PIK3C2B: variants seen among roughly 807,000 people sequenced by gnomAD.
PIK3C2B encodes phosphatidylinositol-4-phosphate 3-kinase catalytic subunit type 2 beta.
PIK3C2B carries 83 observed loss-of-function variants against 184.3 expected under a neutral mutation model. The ratio of observed to expected loss-of-function variants is 0.45; its 90% CI spans 0.38 to 0.54. PIK3C2B has a LOEUF of 0.54. Among genes scored for constraint, PIK3C2B ranks in the 20% least tolerant of loss-of-function variants. The pLI is 0.00. For synonymous variants in PIK3C2B, 779 were observed against 837.6 expected, an observed-to-expected ratio of 0.93 and a Z score of 1.21; for missense variants, 1,736 against 2,113.5, an observed-to-expected ratio of 0.82 and a Z score of 3.50.
At position 204,459,925 on chromosome 1, in the gene PIK3C2B, G is replaced by A; in HGVS notation, c.1519C>T (p.Leu507=). 6.2e-7 allele frequency: 1 copy of A among 1,613,954 alleles called. No individual in the cohort carries two copies. The highest frequency in any genetic ancestry group is 8.5e-7 in the Non-Finnish European group (1 of 1,179,980). Residue 507 remains leucine, a synonymous_variant, in exon 8 of 33, where the codon CTG becomes TTG. Coordinates refer to ENST00000684373, the MANE Select transcript of PIK3C2B (RefSeq NM_001377334.1). ...ACCTCATTGTGGTAAGTGTCGAACA[G>A]AAGACTCAGGGCCTGCCTGGGAGTT... ...QTISRQALSL[L]FDTYHNEVDA... is the part of the protein sequence containing the mutation.
chr1:204,488,498 T>C (rs1254507198), intron 1 of PIK3C2B, among the ~76,000 whole-genome samples: 2 of 152,250 alleles, frequency 1.3e-5, no homozygotes, highest in Non-Finnish European at 2.9e-5. Flanking sequence ...GACTAAGAAC[T>C]ATGAGTGAAC....
chr1:204,431,147 ACCT>A (rs948031175), intron 28 of PIK3C2B, among the ~76,000 whole-genome samples: 4 of 151,422 alleles, frequency 2.6e-5, no homozygotes, highest in Non-Finnish European at 5.9e-5. Context: ...AACCACACCT[ACCT>A]CCCCTCAGAC....
intron 31 of PIK3C2B, 119 bp downstream of exon 31, chr1:204,427,529 T>C: frequency 1.4e-6 from 1 of 691,758 alleles, no homozygotes. Context: ...AGGTCCATGG[T>C]GGATGCTCAG....
chr1:204,465,096 G>C (rs1482380837), intron 3 of PIK3C2B, 123 bp downstream of exon 3: 2 of 695,978 alleles, frequency 2.9e-6, no homozygotes, highest in East Asian at 2.5e-5. Flanking sequence ...CATTTTCATA[G>C]CTATGAACTG....
At chr1:204,468,784 A>C (rs1656029763) in intron 2 of PIK3C2B, 86 bp downstream of exon 2, 7 of 1,212,604 alleles carry the variant, frequency 5.8e-6, no homozygotes, top group Non-Finnish European at 8.1e-6. Context: ...GACTTGGCAG[A>C]GTTGGATGTA....
chr1:204,464,081 T>A lies in PIK3C2B; in HGVS notation c.1241A>T (p.Asp414Val), dbSNP rs200358053. The A allele has an allele frequency of 6.2e-7, 1 of 1,614,104 alleles. No homozygotes were observed. Among genetic ancestry groups the A allele is most frequent in the Non-Finnish European group, 8.5e-7 (1 of 1,179,974 alleles). ...ACCCACGTCCACATTCCTCAGGTCA[T>A]CATGGGTGTAGCACAGGGTCTGGTA... ...LIYQTLCYTHDDLRNVDVGDF... is the reference protein window; with the variant it reads ...LIYQTLCYTHVDLRNVDVGDF... The change falls in exon 5 of 33, where the codon GAT becomes GTT. Residue 414 changes from aspartate (D) to valine (V), a missense_variant. Physicochemically the swap from Asp to Val is radical, Grantham distance 152. Coordinates refer to ENST00000684373, the MANE Select transcript of PIK3C2B (RefSeq NM_001377334.1).
intron 5 of PIK3C2B, among the ~76,000 whole-genome samples, chr1:204,463,253 C>G (rs979052883): frequency 6.6e-6 from 1 of 152,192 alleles, no homozygotes; most frequent in Non-Finnish European, 1.5e-5. Context: ...CGTGCTTCCT[C>G]CAAGTGGACA....
In PIK3C2B at chr1:204,494,691, G is replaced by A. The variant is rs1658255963; in HGVS notation, c.-420C>T. On this transcript the variant is annotated 5_prime_UTR_variant, in exon 1 of 33. Transcript: ENST00000684373. ...ACAATAGCGGCAGCAGCGGGCGAGA[G>A]AGGGGAAGCCATCTCCCGGACACCC... 6.6e-6 allele frequency: 1 copy of A among 152,406 alleles called. No individual in the cohort carries two copies. The highest frequency in any genetic ancestry group is 2.4e-5 in the African/African-American group (1 of 41,470). The allele number at this position is 152,406 out of a possible 1,614,324, so 9.4% of individuals were successfully genotyped here.
Position 204,447,477 on chromosome 1 carries a change from C to T in PIK3C2B, c.2448G>A (p.Gln816=), listed in dbSNP as rs755006589. 2 of 1,613,824 alleles carry T rather than the reference C, an allele frequency of 1.2e-6. No homozygotes were observed. Among genetic ancestry groups the T allele is most frequent in the South Asian group, 1.1e-5 (1 of 91,066 alleles). The change falls in exon 15 of 33, where the codon CAG becomes CAA. Residue 816 remains glutamine (Q), a synonymous_variant. Transcript: ENST00000684373. The surrounding 1 kb of genome is among the most constrained non-coding windows in gnomAD (Gnocchi z 4.1). ...TCTGCATGATGTCTTTAAGCTTGCG[C>T]TGGTCTTCTTCCCGGAGGCTGCCAA... ...YEFGSLREED[Q]RKLKDIMQKE...
At chr1:204,454,253 C>T (rs937627883) in intron 12 of PIK3C2B, among the ~76,000 whole-genome samples, 2 of 150,104 alleles carry the variant, frequency 1.3e-5, no homozygotes, top group Non-Finnish European at 3.0e-5. Context: ...GAGGCCGAGG[C>T]GGGCAGATCA....
intron 3 of PIK3C2B, 122 bp from the exon 4 acceptor site, chr1:204,464,726 C>T (rs912678466): frequency 2.2e-6 from 2 of 919,634 alleles, no homozygotes; most frequent in African/African-American, 1.7e-5. Flanking sequence ...GCCCAGCCCT[C>T]CAAATTTGCA....
At position 204,444,314 on chromosome 1, in the gene PIK3C2B, AG is replaced by A; in HGVS notation, c.2772+16del. The stretch of plus-strand genomic sequence containing the variant: ...GGATGGGACCAGCAAAACTGGAGGG[AG>A]GACCAATCCACCCACCTGTACCAGC... On this transcript the variant is annotated intron_variant, in intron 17 of 32. Coordinates refer to ENST00000684373, the MANE Select transcript of PIK3C2B (RefSeq NM_001377334.1). 6.3e-7 allele frequency: 1 copy of A among 1,597,364 alleles called. No homozygotes were observed. Among genetic ancestry groups the A allele is most frequent in the Non-Finnish European group, 8.6e-7 (1 of 1,164,642 alleles).
At chr1:204,439,757 C>G (rs1675545053) in intron 22 of PIK3C2B, among the ~76,000 whole-genome samples, 1 of 152,152 alleles carries the variant, frequency 6.6e-6, no homozygotes, top group Non-Finnish European at 1.5e-5. Flanking sequence ...GCCTCAGCCT[C>G]CCGAGGAGGT....
chr1:204,428,101 G>T, intron 30 of PIK3C2B, 38 bp downstream of exon 30: 2 of 1,232,188 alleles, frequency 1.6e-6, no homozygotes, highest in South Asian at 1.2e-5. Context: ...GGGTAGTTCA[G>T]AGGAGTTGGC....
rs768221000 is a variant in PIK3C2B at position 204,464,452 on chromosome 1, T to C, written c.1187A>G (p.Asn396Ser). The C allele has an allele frequency of 1.2e-6, 2 of 1,613,144 alleles. No homozygotes were observed. The highest frequency in any genetic ancestry group is 3.3e-5 in the Admixed American group (2 of 59,884). The change falls in exon 4 of 33, where the codon AAC (asparagine) becomes AGC (serine). Residue 396 changes from asparagine to serine, a missense_variant and splice_region_variant. Around this residue, in one of 8 missense-constraint regions of PIK3C2B, gnomAD observed 609 missense variants for 699.2 expected, o/e 0.87. Transcript: ENST00000684373. The stretch of plus-strand genomic sequence containing the variant: ...CCTCTCCCCCCTCACTAACTTACAG[T>C]TGCAGGTGAAAGTGAGTGCCTCTTG... ...RLQEALTFTCNCSSTVDLLIY... is the reference protein window; with the variant it reads ...RLQEALTFTCSCSSTVDLLIY...
intron 1 of PIK3C2B, among the ~76,000 whole-genome samples, chr1:204,470,112 G>A (rs183936590): frequency 1.1e-4 from 17 of 150,776 alleles, no homozygotes; most frequent in South Asian, 8.4e-4. Flanking sequence ...TCATCTCTGC[G>A]CCCTAATCCC....
At position 204,438,915 on chromosome 1, in the gene PIK3C2B, C is replaced by A. The variant is rs1382185632; in HGVS notation, c.3516+20G>T. The A allele has an allele frequency of 6.2e-7, 1 of 1,610,866 alleles. No individual in the cohort carries two copies. Among genetic ancestry groups the A allele is most frequent in the East Asian group, 2.2e-5 (1 of 44,852 alleles). On this transcript the variant is annotated intron_variant, in intron 23 of 32. Transcript: ENST00000684373. ...CAGGCACACACACACACCAGACGCACTCCCCACCCACAACCCTACCTTCTC... is the reference window on the plus strand; with the variant it reads ...CAGGCACACACACACACCAGACGCAATCCCCACCCACAACCCTACCTTCTC...
intron 22 of PIK3C2B, 62 bp downstream of exon 22, chr1:204,440,130 G>A (rs1226311347): frequency 2.0e-6 from 3 of 1,520,420 alleles, no homozygotes; most frequent in African/African-American, 2.8e-5. Context: ...TGTTGGCAAT[G>A]GGCAGAAGGA....
At chr1:204,439,259 G>A (rs888493802) in intron 22 of PIK3C2B, among the ~76,000 whole-genome samples, 188 bp from the exon 23 acceptor site, 1 of 152,168 alleles carries the variant, frequency 6.6e-6, no homozygotes, top group East Asian at 1.9e-4. Flanking sequence ...ATTCCATACT[G>A]TGACTTTTTG....
Sources: gnomAD v4.1 joint callset for allele counts (sites outside exome capture counted in the v4.1 genomes callset) on GRCh38, gnomAD v4.1.1 for gene constraint, gnomAD v4.1.1 regional missense constraint, Gnocchi (gnomAD v3.1) non-coding constraint, MANE v1.5 for transcripts, NCBI Gene and HGNC (gene_info 2026-07-23, HGNC 2026-07-21) for gene names.